Variants in CNTN5 observed in about 807,000 individuals in gnomAD.
CNTN5 encodes contactin-5.
CNTN5 carries 77 observed loss-of-function variants against 129.1 expected under a neutral mutation model. The observed-to-expected ratio is 0.60, with a 90% confidence interval of 0.50 to 0.72. The LOEUF (loss-of-function observed/expected upper bound fraction) is 0.72. CNTN5 is among the 30% of genes least tolerant of loss of function. CNTN5 has a pLI of 0.00. For missense variants in CNTN5, 1,478 were observed against 1,328.8 expected, an observed-to-expected ratio of 1.11 and a Z score of -1.75; for synonymous variants, 509 against 465.6, an observed-to-expected ratio of 1.09 and a Z score of -1.20.
chr11:99,917,727 C>A (rs1179534573), intron 7 of CNTN5, among the ~76,000 whole-genome samples: 2 of 152,002 alleles, frequency 1.3e-5, no homozygotes, highest in Non-Finnish European at 2.9e-5. Flanking sequence ...ATATAGAAGT[C>A]AAAACTTCGG....
chr11:99,600,103 C>G (rs111446736), intron 3 of CNTN5, among the ~76,000 whole-genome samples: 1 of 152,038 alleles, frequency 6.6e-6, no homozygotes, highest in African/African-American at 2.4e-5. Flanking sequence ...AATGGCTACA[C>G]TTAACAAAAA....
chr11:99,912,961 G>A (rs1380873107), intron 6 of CNTN5, among the ~76,000 whole-genome samples: 1 of 151,854 alleles, frequency 6.6e-6, no homozygotes, highest in Non-Finnish European at 1.5e-5. Flanking sequence ...TTCCTGTAAA[G>A]GTATAAAATA....
At chr11:99,885,192 G>T (rs187974996) in intron 6 of CNTN5, among the ~76,000 whole-genome samples, 324 of 152,230 alleles carry the variant, frequency 2.1e-3, no homozygotes, top group Non-Finnish European at 3.4e-3. Context: ...TCAGGTGGGA[G>T]AGCCGTTTGA....
At chr11:99,632,877 A>C (rs1951414469) in intron 3 of CNTN5, among the ~76,000 whole-genome samples, 1 of 151,828 alleles carries the variant, frequency 6.6e-6, no homozygotes, top group Admixed American at 6.6e-5. Flanking sequence ...GTCCTTAATT[A>C]CTTAAGGTAT....
At chr11:100,074,715 T>C (rs1360669544) in intron 13 of CNTN5, among the ~76,000 whole-genome samples, 2 of 152,188 alleles carry the variant, frequency 1.3e-5, no homozygotes, top group Admixed American at 1.3e-4. Context: ...TTTCATGTGA[T>C]ATTTATGCCA....
intron 2 of CNTN5, among the ~76,000 whole-genome samples, chr11:99,437,587 G>A (rs1325209428): frequency 6.6e-6 from 1 of 152,262 alleles, no homozygotes; most frequent in South Asian, 2.1e-4. Flanking sequence ...CAGCACTTTG[G>A]GAGGCTGAGG....
intron 8 of CNTN5, among the ~76,000 whole-genome samples, chr11:99,976,390 T>C (rs577656388): frequency 6.6e-6 from 1 of 152,204 alleles, no homozygotes; most frequent in African/African-American, 2.4e-5. Context: ...CAGTGGGGAC[T>C]CTTGAGTGGG....
intron 9 of CNTN5, among the ~76,000 whole-genome samples, chr11:100,056,969 A>C (rs554919284): frequency 6.6e-6 from 1 of 151,782 alleles, no homozygotes; most frequent in African/African-American, 2.4e-5. Flanking sequence ...CTTTTTTCCC[A>C]ATAACATGGA....
intron 13 of CNTN5, among the ~76,000 whole-genome samples, chr11:100,114,720 C>CT (rs1458812620): frequency 6.6e-6 from 1 of 151,984 alleles, no homozygotes; most frequent in Non-Finnish European, 1.5e-5. Flanking sequence ...GCTATTCTTC[C>CT]TTTCCCCATT....
At chr11:100,169,269 C>T (rs1947751342) in intron 13 of CNTN5, among the ~76,000 whole-genome samples, 1 of 151,890 alleles carries the variant, frequency 6.6e-6, no homozygotes. Context: ...AAGTATGAAC[C>T]AACAGCATTG....
At chr11:99,920,103 A>G (rs1949899414) in intron 7 of CNTN5, among the ~76,000 whole-genome samples, 2 of 152,054 alleles carry the variant, frequency 1.3e-5, no homozygotes, top group African/African-American at 4.8e-5. Flanking sequence ...GCTGAGTAGT[A>G]TTTCATTTTA....
At chr11:99,406,413 C>CTG (rs1942069750) in intron 2 of CNTN5, among the ~76,000 whole-genome samples, 1 of 149,158 alleles carries the variant, frequency 6.7e-6, no homozygotes, top group Admixed American at 6.6e-5. Context: ...CTCTCTCTCT[C>CTG]TCTCTGTTCT....
intron 21 of CNTN5, among the ~76,000 whole-genome samples, chr11:100,338,909 G>A (rs1049715275): frequency 2.0e-5 from 3 of 152,122 alleles, no homozygotes; most frequent in African/African-American, 7.2e-5. Flanking sequence ...TCTGTGTGGG[G>A]CCTGCACTGG....
At chr11:99,563,171 G>A (rs547997234) in intron 3 of CNTN5, among the ~76,000 whole-genome samples, 31 of 152,250 alleles carry the variant, frequency 2.0e-4, no homozygotes, top group Admixed American at 6.5e-4. Context: ...GGTCAGCAGT[G>A]GCAATGCATT....
chr11:99,692,037 G>A (rs1458735100), intron 3 of CNTN5, among the ~76,000 whole-genome samples: 1 of 152,076 alleles, frequency 6.6e-6, no homozygotes, highest in African/African-American at 2.4e-5. Context: ...TTTAGTGTCT[G>A]TATTGTCAGA....
intron 18 of CNTN5, among the ~76,000 whole-genome samples, chr11:100,272,323 T>C (rs1394223106): frequency 6.6e-6 from 1 of 152,190 alleles, no homozygotes; most frequent in Non-Finnish European, 1.5e-5. Context: ...GATACACATA[T>C]ACATACAAGA....
At chr11:99,729,594 C>T (rs1469613959) in intron 3 of CNTN5, among the ~76,000 whole-genome samples, 2 of 152,094 alleles carry the variant, frequency 1.3e-5, no homozygotes, top group Non-Finnish European at 2.9e-5. Flanking sequence ...GGAATCATCA[C>T]ATGGTCTTCC....
At chr11:100,206,227 AGAGG>A (rs570230712) in intron 15 of CNTN5, among the ~76,000 whole-genome samples, 206 of 152,220 alleles carry the variant, frequency 1.4e-3, no homozygotes, top group Middle Eastern at 6.8e-3. Flanking sequence ...CAAAGCAGAG[AGAGG>A]AAGTACAAAA....
At chr11:100,274,970 C>G (rs1397352804) in intron 18 of CNTN5, among the ~76,000 whole-genome samples, 4 of 152,230 alleles carry the variant, frequency 2.6e-5, no homozygotes, top group African/African-American at 9.6e-5. Context: ...TGTAACAAAC[C>G]TGCACATGTA....
Sources: allele counts gnomAD v4.1 joint callset (sites outside exome capture counted in the v4.1 genomes callset), GRCh38; gene constraint gnomAD v4.1.1; transcripts MANE v1.5; gene names NCBI Gene and HGNC (gene_info 2026-07-23, HGNC 2026-07-21).